The following ZBTB1 variants were observed in gnomAD, a reference collection of about 807,000 sequenced individuals.
ZBTB1 encodes zinc finger and BTB domain-containing protein 1.
A neutral mutation model predicts 51.6 loss-of-function variants in ZBTB1; 13 were observed. The observed-to-expected ratio is 0.25, with a 90% CI of 0.16 to 0.40. ZBTB1 has a LOEUF of 0.40. ZBTB1 is among the 10% of genes least tolerant of loss of function. The pLI is 1.00. For synonymous variants in ZBTB1, 240 were observed against 282.2 expected, an observed-to-expected ratio of 0.85 and a Z score of 1.50; for missense variants, 567 against 856.5, an observed-to-expected ratio of 0.66 and a Z score of 4.22.
chr14:64,519,960 T>C (rs533214464), intron 1 of ZBTB1, among the ~76,000 whole-genome samples: 2 of 151,232 alleles, frequency 1.3e-5, no homozygotes, highest in South Asian at 4.2e-4. Flanking sequence ...CAAACTTGTT[T>C]GGTGCCATTT....
Position 64,521,404 on chromosome 14 carries a change from C to G in ZBTB1, c.-18-83C>G, listed in dbSNP as rs999147758. On this transcript the variant is annotated intron_variant, in intron 1 of 1. Transcript: ENST00000683701. ...TTTCTTGATTGTAATAGCAGTCATGCAAGTCACAAATCATGATAAAAGTTA... is the reference window on the plus strand; with the variant it reads ...TTTCTTGATTGTAATAGCAGTCATGGAAGTCACAAATCATGATAAAAGTTA... 6.4e-6 allele frequency: 7 copies of G among 1,093,026 alleles called. No homozygotes were observed. The South Asian group carries it at 1.2e-4, about 19-fold the overall frequency. 67.7% of individuals were successfully genotyped at this position (1,093,026 alleles called of 1,614,324 possible). A position where few individuals can be genotyped will look rare whatever the true frequency, so the allele number is the denominator to read the frequency against.
At chr14:64,505,646 A>C (rs1206335655) in intron 1 of ZBTB1, among the ~76,000 whole-genome samples, 1 of 152,080 alleles carries the variant, frequency 6.6e-6, no homozygotes, top group South Asian at 2.1e-4. Flanking sequence ...GAGCTCAGCC[A>C]CCCCACCCAG....
chr14:64,518,123 C>A (rs917123739), intron 1 of ZBTB1, among the ~76,000 whole-genome samples: 27 of 152,226 alleles, frequency 1.8e-4, no homozygotes, highest in African/African-American at 6.3e-4. Context: ...AGGCATGAGC[C>A]ACTGCGCCTG....
downstream of ZBTB1, among the ~76,000 whole-genome samples, chr14:64,525,759 T>A (rs2079899248): frequency 6.6e-6 from 1 of 152,226 alleles, no homozygotes; most frequent in Admixed American, 6.5e-5. Context: ...TACTCTCTAA[T>A]TTTACATGAC....
At chr14:64,527,537 G>A (rs1328857608), downstream of ZBTB1, among the ~76,000 whole-genome samples, 1 of 152,154 alleles carries the variant, frequency 6.6e-6, no homozygotes, top group Non-Finnish European at 1.5e-5. Context: ...CTTGAACCCA[G>A]GAGATGGAGG....
intron 1 of ZBTB1, 40 bp from the exon 2 acceptor site, chr14:64,521,447 T>G: frequency 6.7e-7 from 1 of 1,489,662 alleles, no homozygotes; most frequent in Non-Finnish European, 9.0e-7. Context: ...CAAGTGCTTT[T>G]CTATATCTTG....
At position 64,521,863 on chromosome 14, in the gene ZBTB1, A is replaced by G; in HGVS notation, c.359A>G (p.Asp120Gly). The G allele has an allele frequency of 1.2e-6, 2 of 1,613,184 alleles. No individual in the cohort carries two copies. The highest frequency in any genetic ancestry group is 2.2e-5 in the East Asian group (1 of 44,888). ...PDCLEDIQDA[D>G]CSSSKCSSSA... Reference sequence around the variant, plus strand: ...TGTTTAGAAGACATCCAGGATGCAGATTGTTCTAGTTCAAAATGTTCCTCT... The same window carrying G: ...TGTTTAGAAGACATCCAGGATGCAGGTTGTTCTAGTTCAAAATGTTCCTCT... The change falls in exon 2 of 2, where the codon GAT becomes GGT. Residue 120 changes from aspartate to glycine, a missense_variant. Physicochemically the swap from Asp to Gly is moderately conservative, Grantham distance 94 (BLOSUM62 -1). Around this residue, in one of 5 missense-constraint regions of ZBTB1, gnomAD observed 74 missense variants for 74.9 expected, o/e 0.99. Coordinates refer to ENST00000683701, the MANE Select transcript of ZBTB1 (RefSeq NM_001123329.2).
At chr14:64,508,433 G>A (rs1039694295) in intron 1 of ZBTB1, among the ~76,000 whole-genome samples, 13 of 152,176 alleles carry the variant, frequency 8.5e-5, no homozygotes, top group Admixed American at 2.6e-4. Flanking sequence ...CTGCAAGATG[G>A]AGCAGTAAGA....
chr14:64,505,377 A>G (rs1047083219), intron 1 of ZBTB1, among the ~76,000 whole-genome samples: 3 of 152,046 alleles, frequency 2.0e-5, no homozygotes, highest in African/African-American at 7.3e-5. Context: ...GAGGCTGCAG[A>G]CTTGGGCGCG....
At position 64,522,881 on chromosome 14, in the gene ZBTB1, G is replaced by A. The variant is rs1209448646; in HGVS notation, c.1377G>A (p.Lys459=). 1 of 1,614,164 alleles carries A rather than the reference G, an allele frequency of 6.2e-7. No individual in the cohort carries two copies. The highest frequency in any genetic ancestry group is 1.7e-5 in the Admixed American group (1 of 60,016). ...ACGKCGQILV[K]GRQLQEHAQR... ...GTAAATGTGGACAAATACTTGTAAA[G>A]GGTAGGCAGCTTCAGGAACATGCTC... is the stretch of plus-strand genomic sequence containing the variant. The change falls in exon 2 of 2, where the codon AAG becomes AAA. Residue 459 remains lysine, a synonymous_variant. Transcript: ENST00000683701.
At position 64,531,860 on chromosome 14, in the gene ZBTB1, G is replaced by C. The variant is rs1344510250; in HGVS notation, c.1899-1G>C. On this transcript the variant is annotated splice_acceptor_variant, in intron 2 of 2. Coordinates refer to the ZBTB1 transcript ENST00000358738. LOFTEE classifies it high-confidence loss of function. ...GAGTTTTGTCTTTTTCTGTGTGGCAGTGGTGAAATAGGGCCTTCTAAACCT... is the reference window on the plus strand; with the variant it reads ...GAGTTTTGTCTTTTTCTGTGTGGCACTGGTGAAATAGGGCCTTCTAAACCT... 1 of 1,613,786 alleles carries C rather than the reference G, an allele frequency of 6.2e-7. No homozygotes were observed. Among genetic ancestry groups the C allele is most frequent in the South Asian group, 1.1e-5 (1 of 91,076 alleles).
At position 64,523,981 on chromosome 14, in the gene ZBTB1, T is replaced by C; in HGVS notation, c.*335T>C. 4 of 1,013,170 alleles carry C rather than the reference T, an allele frequency of 3.9e-6. No homozygotes were observed. The highest frequency in any genetic ancestry group is 4.8e-6 in the Non-Finnish European group (4 of 838,658). The allele number at this position is 1,013,170 out of a possible 1,614,324, so 62.8% of individuals were successfully genotyped here. On this transcript the variant is annotated 3_prime_UTR_variant, in exon 2 of 2. Transcript: ENST00000683701. This position sits in a 1 kb window ranked among gnomAD's most constrained non-coding sequence, Gnocchi z 4.5. Reference sequence around the variant, plus strand: ...AGGTGATGACTTCACTATTTCTATGTGTTTTTTTTTTTTTAAGGTTATCCT... The same window carrying C: ...AGGTGATGACTTCACTATTTCTATGCGTTTTTTTTTTTTTAAGGTTATCCT...
Position 64,523,108 on chromosome 14 carries a change from G to C in ZBTB1, c.1604G>C (p.Arg535Pro). The C allele has an allele frequency of 6.2e-7, 1 of 1,614,108 alleles. No homozygotes were observed. The highest frequency in any genetic ancestry group is 8.5e-7 in the Non-Finnish European group (1 of 1,180,008). The change falls in exon 2 of 2, where the codon CGA becomes CCA. Residue 535 changes from arginine (R) to proline (P), a missense_variant. Transcript: ENST00000683701. The surrounding 1 kb of genome is among the most constrained non-coding windows in gnomAD (Gnocchi z 4.5). Reference protein sequence around the residue: ...QLFKHSACPFRCPNCGQRFET... With the variant: ...QLFKHSACPFPCPNCGQRFET... ...TTTAAACATTCTGCCTGCCCTTTTC[G>C]ATGTCCTAATTGTGGCCAGCGTTTT... is the stretch of plus-strand genomic sequence containing the variant.
chr14:64,509,184 A>G (rs1240440253), intron 1 of ZBTB1, among the ~76,000 whole-genome samples: 2 of 152,218 alleles, frequency 1.3e-5, no homozygotes, highest in African/African-American at 4.8e-5. Context: ...AGCCTGGCCA[A>G]CATGGCGAAA....
At chr14:64,508,406 G>C (rs1444459691) in intron 1 of ZBTB1, among the ~76,000 whole-genome samples, 2 of 152,300 alleles carry the variant, frequency 1.3e-5, no homozygotes, top group Admixed American at 1.3e-4. Context: ...ATTTAGGGAA[G>C]GGACTGGACA....
At chr14:64,510,538 AC>A (rs1809243273) in intron 1 of ZBTB1, among the ~76,000 whole-genome samples, 1 of 152,194 alleles carries the variant, frequency 6.6e-6, no homozygotes, top group Non-Finnish European at 1.5e-5. Flanking sequence ...GGAGGTTCAG[AC>A]CCAAAGAACC....
At chr14:64,525,532 A>G (rs2079897485), downstream of ZBTB1, among the ~76,000 whole-genome samples, 1 of 152,220 alleles carries the variant, frequency 6.6e-6, no homozygotes, top group Admixed American at 6.5e-5. Flanking sequence ...ACTACAGTAT[A>G]TAGTATCATA....
intron 1 of ZBTB1, among the ~76,000 whole-genome samples, chr14:64,515,622 G>T (rs1007404285): frequency 2.0e-5 from 3 of 150,410 alleles, no homozygotes; most frequent in African/African-American, 7.3e-5. Flanking sequence ...CCGAGTTCCC[G>T]CCATTCTCCC....
chr14:64,516,688 G>A (rs2140131971), intron 1 of ZBTB1: 1 of 152,298 alleles, frequency 6.6e-6, no homozygotes, highest in East Asian at 1.9e-4. Context: ...TTCCTCAAAT[G>A]AATACAGAAT....
Sources: gnomAD v4.1 joint callset for allele counts (sites outside exome capture counted in the v4.1 genomes callset) on GRCh38, gnomAD v4.1.1 for gene constraint, gnomAD v4.1.1 regional missense constraint, Gnocchi (gnomAD v3.1) non-coding constraint, MANE v1.5 for transcripts, NCBI Gene and HGNC (gene_info 2026-07-23, HGNC 2026-07-21) for gene names.